Variants in SLIT3 observed in about 807,000 individuals in gnomAD.
SLIT3 encodes the protein slit homolog 3 protein.
In SLIT3, 68 loss-of-function variants were observed where a neutral mutation model predicts 184.0. That is an observed-to-expected ratio of 0.37 (90% confidence interval 0.30 to 0.45). The LOEUF (loss-of-function observed/expected upper bound fraction) is 0.45, where lower values mean the gene tolerates loss of function less well. SLIT3 is among the 20% of genes least tolerant of loss of function. SLIT3 has a pLI of 1.00. For missense variants in SLIT3, 1,707 were observed against 2,026.0 expected (o/e 0.84, Z 3.02); for synonymous variants, 831 against 828.6 (o/e 1.00, Z -0.05).
intron 4 of SLIT3, among the ~76,000 whole-genome samples, chr5:169,043,495 A>G (rs1045536256): frequency 2.6e-5 from 4 of 152,356 alleles, no homozygotes; most frequent in African/African-American, 9.6e-5. Context: ...ACACCCAACT[A>G]AAATGCATGA....
At chr5:168,997,573 G>A (rs895492376) in intron 4 of SLIT3, among the ~76,000 whole-genome samples, 2 of 152,144 alleles carry the variant, frequency 1.3e-5, no homozygotes, top group African/African-American at 4.8e-5. Flanking sequence ...TAGAAGCCTT[G>A]CCCCAAATTC....
chr5:169,288,665 T>C (rs1469920019), intron 1 of SLIT3, among the ~76,000 whole-genome samples: 1 of 152,244 alleles, frequency 6.6e-6, no homozygotes, highest in Non-Finnish European at 1.5e-5. Flanking sequence ...ACTCAATAAA[T>C]GGCCCCTTTA....
At chr5:169,271,076 A>G (rs1285387968) in intron 1 of SLIT3, among the ~76,000 whole-genome samples, 1 of 152,212 alleles carries the variant, frequency 6.6e-6, no homozygotes, top group Non-Finnish European at 1.5e-5. Context: ...CACCTGGAGT[A>G]CATCATGTGA....
Position 169,197,006 on chromosome 5 carries a change from C to G in SLIT3, c.342-3456G>C, listed in dbSNP as rs918836808. ...CATTCCAGGCAAAAATCCTAAAACC[C>G]AGCTTGCTGCTGTCTTCAGTGAGTA... On this transcript the variant is annotated intron_variant, in intron 3 of 35. Transcript: ENST00000519560. Among the ~76,000 whole-genome samples the G allele has an allele frequency of 2.6e-5, 4 of 152,302 alleles. 1 individual carries two copies. The South Asian group carries it at 8.3e-4, about 32-fold the overall frequency.
At chr5:169,109,869 T>C (rs1010725510) in intron 4 of SLIT3, among the ~76,000 whole-genome samples, 10 of 152,294 alleles carry the variant, frequency 6.6e-5, no homozygotes, top group African/African-American at 1.9e-4. Flanking sequence ...TCCTCCCTTC[T>C]CCTACCTTTG....
chr5:169,128,274 T>TA (rs1761157642), intron 4 of SLIT3, among the ~76,000 whole-genome samples: 2 of 146,592 alleles, frequency 1.4e-5, no homozygotes, highest in South Asian at 4.2e-4. Context: ...ATATATATAT[T>TA]TATATATATA....
At chr5:169,084,984 T>C (rs1300614763) in intron 4 of SLIT3, among the ~76,000 whole-genome samples, 2 of 152,178 alleles carry the variant, frequency 1.3e-5, no homozygotes, top group Non-Finnish European at 2.9e-5. Context: ...GTCTAATCCC[T>C]GCTATCAACA....
intron 5 of SLIT3, among the ~76,000 whole-genome samples, chr5:168,856,454 G>A (rs1758872733): frequency 6.6e-6 from 1 of 152,094 alleles, no homozygotes; most frequent in Non-Finnish European, 1.5e-5. Context: ...AAACATGAGG[G>A]AATTTAATTC....
At chr5:168,676,835 G>GAC (rs1261576892) in intron 32 of SLIT3, among the ~76,000 whole-genome samples, 29 of 152,128 alleles carry the variant, frequency 1.9e-4, no homozygotes, top group South Asian at 4.1e-4. Context: ...TCCCATTACA[G>GAC]ACACACACAC....
intron 3 of SLIT3, among the ~76,000 whole-genome samples, chr5:169,214,723 T>C (rs1192505357): frequency 6.6e-6 from 1 of 152,178 alleles, no homozygotes; most frequent in Non-Finnish European, 1.5e-5. Context: ...ACATCTCCTG[T>C]GGGTATCCCA....
intron 4 of SLIT3, among the ~76,000 whole-genome samples, chr5:168,966,423 G>A (rs1349781588): frequency 6.6e-6 from 1 of 152,008 alleles, no homozygotes; most frequent in Non-Finnish European, 1.5e-5. Context: ...TGAAGGGGCA[G>A]CCTGGGTCAG....
chr5:168,733,789 T>TA (rs977459730), intron 20 of SLIT3, among the ~76,000 whole-genome samples: 30 of 111,602 alleles, frequency 2.7e-4, no homozygotes, highest in Middle Eastern at 4.6e-3. Flanking sequence ...GAACTTAAAA[T>TA]AAAAAAAAAT....
intron 4 of SLIT3, among the ~76,000 whole-genome samples, chr5:169,142,836 G>C (rs973453448): frequency 5.9e-5 from 9 of 152,236 alleles, no homozygotes; most frequent in Non-Finnish European, 7.3e-5. Context: ...CCACGTGATA[G>C]GCATGTACTC....
At chr5:169,138,999 C>G (rs1761627061) in intron 4 of SLIT3, among the ~76,000 whole-genome samples, 1 of 152,210 alleles carries the variant, frequency 6.6e-6, no homozygotes, top group Non-Finnish European at 1.5e-5. Context: ...GAGACCTTCT[C>G]CAGGCCCAGA....
At chr5:168,824,540 G>A (rs543434359) in intron 6 of SLIT3, among the ~76,000 whole-genome samples, 5 of 152,314 alleles carry the variant, frequency 3.3e-5, no homozygotes, top group South Asian at 2.1e-4. Flanking sequence ...GAAACATCAC[G>A]TAGCAGGAGG....
chr5:168,855,843 C>T (rs1463363721), intron 5 of SLIT3, among the ~76,000 whole-genome samples: 1 of 152,006 alleles, frequency 6.6e-6, no homozygotes, highest in African/African-American at 2.4e-5. Flanking sequence ...GACATTTTTT[C>T]CCCCTGAGTC....
intron 5 of SLIT3, among the ~76,000 whole-genome samples, chr5:168,856,816 C>T (rs577138159): frequency 1.3e-3 from 190 of 147,192 alleles, no homozygotes; most frequent in African/African-American, 4.3e-3. Flanking sequence ...TGCGCGCGCG[C>T]GCACGCCTTT....
chr5:168,988,506 C>T (rs373472781), intron 4 of SLIT3, among the ~76,000 whole-genome samples: 5 of 152,074 alleles, frequency 3.3e-5, no homozygotes, highest in African/African-American at 1.2e-4. Flanking sequence ...CAAGGGCTCC[C>T]GACCACTTGG....
chr5:168,881,801 A>G (rs950839771), intron 5 of SLIT3, among the ~76,000 whole-genome samples: 1 of 152,174 alleles, frequency 6.6e-6, no homozygotes, highest in South Asian at 2.1e-4. Flanking sequence ...TTTTCTCAGG[A>G]AGATATAAAC....
Sources: gnomAD v4.1 joint callset for allele counts (sites outside exome capture counted in the v4.1 genomes callset) on GRCh38, gnomAD v4.1.1 for gene constraint, MANE v1.5 for transcripts, NCBI Gene and HGNC (gene_info 2026-07-23, HGNC 2026-07-21) for gene names.